PGAP3: variants seen among roughly 807,000 people sequenced by gnomAD.
PGAP3 encodes the protein post-GPI attachment to proteins phospholipase 3.
Under a neutral mutation model 40.3 loss-of-function variants are expected in PGAP3, and 31 were observed. The observed-to-expected ratio is 0.77, with a 90% CI of 0.58 to 1.04. PGAP3 has a LOEUF of 1.04. Ranked by LOEUF, PGAP3 falls within the 50% of genes least tolerant of loss-of-function variation. PGAP3 has a pLI of 0.00. For synonymous variants in PGAP3, 191 were observed against 184.5 expected, an observed-to-expected ratio of 1.04 and a Z score of -0.29; for missense variants, 413 against 423.0, an observed-to-expected ratio of 0.98 and a Z score of 0.21.
At position 39,683,997 on chromosome 17, in the gene PGAP3, G is replaced by A. The variant is rs1437454313; in HGVS notation, c.432+600C>T. Among the ~76,000 whole-genome samples the A allele has an allele frequency of 2.6e-5, 4 of 152,082 alleles. No individual in the cohort carries two copies. In the East Asian group the frequency reaches 5.8e-4, roughly 22 times the overall value. Reference sequence around the variant, plus strand: ...AAATTAGCCAGGTGTGGTGGCACGCGCCTATCATCCCAGCTACTTGGGAGG... The same window carrying A: ...AAATTAGCCAGGTGTGGTGGCACGCACCTATCATCCCAGCTACTTGGGAGG... On this transcript the variant is annotated intron_variant, in intron 3 of 7. Transcript: ENST00000300658.
intron 3 of PGAP3, among the ~76,000 whole-genome samples, chr17:39,683,800 A>C (rs995246886): frequency 2.0e-5 from 3 of 152,138 alleles, no homozygotes; most frequent in Non-Finnish European, 4.4e-5. Flanking sequence ...AGATGTAACC[A>C]TACCTGGGCT....
Position 39,687,954 on chromosome 17 carries a change from A to C in PGAP3, c.61T>G (p.Ser21Ala). ...LAGAAALASG[S>A]QGDREPVYRD... ...TACACCGGCTCACGGTCGCCCTGGGAGCCGCTCGCCAGCGCCGCTGCCCCA... is the reference window on the plus strand; with the variant it reads ...TACACCGGCTCACGGTCGCCCTGGGCGCCGCTCGCCAGCGCCGCTGCCCCA... Residue 21 changes from serine to alanine, a missense_variant, in exon 1 of 8, where the codon TCC becomes GCC. Physicochemically the swap from Ser to Ala is moderately conservative, Grantham distance 99. Coordinates refer to ENST00000300658, the MANE Select transcript of PGAP3 (RefSeq NM_033419.5). 9 of 1,473,690 alleles carry C rather than the reference A, an allele frequency of 6.1e-6. No homozygotes were observed. Among genetic ancestry groups the C allele is most frequent in the Non-Finnish European group, 8.2e-6 (9 of 1,097,470 alleles). The allele number at this position is 1,473,690 out of a possible 1,614,324, so 91.3% of individuals were successfully genotyped here. A position where few individuals can be genotyped will look rare whatever the true frequency, so the allele number is the denominator to read the frequency against.
intron 2 of PGAP3, 56 bp downstream of exon 2, chr17:39,685,866 G>A: frequency 6.7e-6 from 10 of 1,498,702 alleles, no homozygotes; most frequent in Non-Finnish European, 9.3e-6. Flanking sequence ...CCAACCAGGG[G>A]GTATATTACT....
chr17:39,687,991 C>T lies in PGAP3; in HGVS notation c.24G>A (p.Leu8=). MAGLAAR[L]VLLAGAAALA... ...GCGCCGCTGCCCCAGCTAGCAGGAC[C>T]AACCGCGCCGCCAGGCCGGCCATCC... Residue 8 remains leucine (L), a synonymous_variant, in exon 1 of 8, where the codon TTG becomes TTA. Coordinates refer to ENST00000300658, the MANE Select transcript of PGAP3 (RefSeq NM_033419.5). The T allele has an allele frequency of 1.4e-6, 2 of 1,430,530 alleles. No individual in the cohort carries two copies. The highest frequency in any genetic ancestry group is 9.3e-7 in the Non-Finnish European group (1 of 1,075,360). 88.6% of individuals were successfully genotyped at this position (1,430,530 alleles called of 1,614,324 possible).
Position 39,673,121 on chromosome 17 carries a change from G to C in PGAP3, c.829C>G (p.Leu277Val), listed in dbSNP as rs751485654. 1 of 1,607,902 alleles carries C rather than the reference G, an allele frequency of 6.2e-7. No homozygotes were observed. Among genetic ancestry groups the C allele is most frequent in the South Asian group, 1.1e-5 (1 of 89,562 alleles). Residue 277 changes from leucine (L) to valine (V), a missense_variant, in exon 7 of 8, where the codon CTC becomes GTC. Physicochemically the swap from Leu to Val is conservative, Grantham distance 32. Coordinates refer to ENST00000300658, the MANE Select transcript of PGAP3 (RefSeq NM_033419.5). ...SLLELLDFPP[L>V]FWVLDAHAIW... ...GCATGGGCATCCAGGACCCAGAAGA[G>C]CGGTGGGAAGTCAAGCAGCTCGAGC...
At chr17:39,678,843 T>G (rs2057405867) in intron 3 of PGAP3, among the ~76,000 whole-genome samples, 1 of 152,200 alleles carries the variant, frequency 6.6e-6, no homozygotes, top group Admixed American at 6.5e-5. Flanking sequence ...GAAGGCCTAG[T>G]GAGAGCATGA....
intron 3 of PGAP3, among the ~76,000 whole-genome samples, chr17:39,678,965 T>C (rs907320000): frequency 6.6e-6 from 1 of 151,902 alleles, no homozygotes; most frequent in Admixed American, 6.6e-5. Flanking sequence ...TTTGTTTTTG[T>C]TTTTTTTGAG....
In PGAP3 at chr17:39,676,231, G is replaced by A. The variant is rs112488157; in HGVS notation, c.433-1552C>T. Among the ~76,000 whole-genome samples the A allele has an allele frequency of 7.6e-3, 1,153 of 152,306 alleles. 9 individuals carry two copies. Among genetic ancestry groups the A allele is most frequent in the African/African-American group, 0.026 (1,076 of 41,562 alleles). On this transcript the variant is annotated intron_variant, in intron 3 of 7. Coordinates refer to ENST00000300658, the MANE Select transcript of PGAP3 (RefSeq NM_033419.5). ...GGAGACGGGACCCAGGCAATCACATGGACCAGTTCTCCCTGGCAGGCCAGG... is the reference window on the plus strand; with the variant it reads ...GGAGACGGGACCCAGGCAATCACATAGACCAGTTCTCCCTGGCAGGCCAGG...
chr17:39,682,142 C>T (rs1422313362), intron 3 of PGAP3, among the ~76,000 whole-genome samples: 4 of 134,880 alleles, frequency 3.0e-5, no homozygotes, highest in Non-Finnish European at 6.2e-5. Context: ...AGGAGAATGG[C>T]GTGAACCCGG....
At position 39,673,209 on chromosome 17, in the gene PGAP3, C is replaced by T. The variant is rs754606510; in HGVS notation, c.741G>A (p.Gln247=). Reference sequence around the variant, plus strand: ...ACTTGCGCACGTGAGGCAGCCGCCGCTGGTTCCACAGGCACCAGGCCAGCC... The same window carrying T: ...ACTTGCGCACGTGAGGCAGCCGCCGTTGGTTCCACAGGCACCAGGCCAGCC... ...VWWLAWCLWN[Q]RRLPHVRKCV... The change falls in exon 7 of 8, where the codon CAG becomes CAA. Residue 247 remains glutamine (Q), a synonymous_variant. Coordinates refer to ENST00000300658, the MANE Select transcript of PGAP3 (RefSeq NM_033419.5). 6.4e-7 allele frequency: 1 copy of T among 1,568,914 alleles called. No homozygotes were observed. The highest frequency in any genetic ancestry group is 2.4e-5 in the East Asian group (1 of 42,286).
At position 39,685,868 on chromosome 17, in the gene PGAP3, T is replaced by C. The variant is rs2057504564; in HGVS notation, c.279+54A>G. 13 of 1,507,704 alleles carry C rather than the reference T, an allele frequency of 8.6e-6. No individual in the cohort carries two copies. The South Asian group carries it at 1.5e-4, about 17-fold the overall frequency. The allele number at this position is 1,507,704 out of a possible 1,614,324, so 93.4% of individuals were successfully genotyped here. On this transcript the variant is annotated intron_variant, in intron 2 of 7. Transcript: ENST00000300658. The stretch of plus-strand genomic sequence containing the variant: ...TGGACAGTGTGGTCCAACCAGGGGG[T>C]ATATTACTCCTACCACGCTACTACC...
chr17:39,675,785 A>C (rs895170564), intron 3 of PGAP3, among the ~76,000 whole-genome samples: 8 of 152,138 alleles, frequency 5.3e-5, no homozygotes, highest in African/African-American at 1.9e-4. Context: ...GCGGGGCAGA[A>C]CTGCTGCACA....
intron 3 of PGAP3, among the ~76,000 whole-genome samples, chr17:39,684,081 G>A (rs528159977): frequency 3.8e-5 from 5 of 131,288 alleles, no homozygotes; most frequent in African/African-American, 6.1e-5. Context: ...CCAAGATTGC[G>A]CCATTTGCAC....
At chr17:39,675,051 C>G (rs10558975) in intron 3 of PGAP3, among the ~76,000 whole-genome samples, 80,990 of 151,530 alleles carry the variant, frequency 0.53, 24,490 homozygotes, top group South Asian at 0.7. Flanking sequence ...CCACCCCACC[C>G]GGGCCCAGGG....
chr17:39,682,703 G>T (rs1370514519), intron 3 of PGAP3, among the ~76,000 whole-genome samples: 1 of 152,086 alleles, frequency 6.6e-6, no homozygotes, highest in Non-Finnish European at 1.5e-5. Context: ...CCTTCAATCT[G>T]TTCTCTACAC....
chr17:39,674,204 A>G, intron 4 of PGAP3, 150 bp from the exon 5 acceptor site: 1 of 774,428 alleles, frequency 1.3e-6, no homozygotes, highest in African/African-American at 1.7e-5. Context: ...TGTTCACATC[A>G]CCATACAAGT....
At chr17:39,673,798 G>A in intron 5 of PGAP3, 148 bp from the exon 6 acceptor site, 1 of 1,259,436 alleles carries the variant, frequency 7.9e-7, no homozygotes, top group East Asian at 2.5e-5. Flanking sequence ...TGGGCAGCAA[G>A]TGCTACAGCT....
chr17:39,686,093 C>A (rs1425908841), intron 1 of PGAP3, 74 bp from the exon 2 acceptor site: 10 of 1,358,666 alleles, frequency 7.4e-6, no homozygotes, highest in African/African-American at 2.9e-5. Context: ...GGGGTCCAAG[C>A]GCAAATGTAG....
intron 3 of PGAP3, among the ~76,000 whole-genome samples, chr17:39,680,342 A>C (rs78863518): frequency 0.022 from 3,333 of 152,254 alleles, 122 homozygotes; most frequent in African/African-American, 0.076. Context: ...GAAATAAGGA[A>C]ATGTATGTAA....
Sources: gnomAD v4.1 joint callset for allele counts (sites outside exome capture counted in the v4.1 genomes callset) on GRCh38, gnomAD v4.1.1 for gene constraint, MANE v1.5 for transcripts, NCBI Gene and HGNC (gene_info 2026-07-23, HGNC 2026-07-21) for gene names.